The following NPAS3 variants were observed in gnomAD, a reference collection of about 807,000 sequenced individuals.
NPAS3 encodes neuronal PAS domain protein 3.
NPAS3 carries 14 observed loss-of-function variants against 73.1 expected under a neutral mutation model. The observed-to-expected ratio is 0.19, with a 90% CI of 0.13 to 0.30. NPAS3 has a LOEUF of 0.30. Among genes scored for constraint, NPAS3 ranks in the 10% least tolerant of loss-of-function variants. The pLI is 1.00. For missense variants in NPAS3, 1,096 were observed against 1,250.0 expected, an observed-to-expected ratio of 0.88 and a Z score of 1.86; for synonymous variants, 620 against 541.5, an observed-to-expected ratio of 1.14 and a Z score of -2.01.
At chr14:33,515,369 A>C (rs1375082581) in intron 4 of NPAS3, among the ~76,000 whole-genome samples, 1 of 152,090 alleles carries the variant, frequency 6.6e-6, no homozygotes, top group East Asian at 1.9e-4. Flanking sequence ...TATATATAGA[A>C]AATCATTCCC....
intron 8 of NPAS3, among the ~76,000 whole-genome samples, chr14:33,777,094 G>A (rs17412040): frequency 0.032 from 4,796 of 152,250 alleles, 101 homozygotes; most frequent in Non-Finnish European, 0.047. Flanking sequence ...CATTCCCAAG[G>A]ACGGCCTCAG....
chr14:33,799,306 A>G (rs147712076), intron 11 of NPAS3, among the ~76,000 whole-genome samples: 2 of 152,312 alleles, frequency 1.3e-5, no homozygotes, highest in Admixed American at 6.5e-5. Context: ...GTCACCTTGC[A>G]TGCCATCATT....
chr14:33,146,926 G>A (rs1188031149), intron 2 of NPAS3, among the ~76,000 whole-genome samples: 1 of 152,154 alleles, frequency 6.6e-6, no homozygotes, highest in Admixed American at 6.5e-5. Context: ...AATTTTTGCT[G>A]TACCAAGGGA....
chr14:33,509,044 G>A (rs1487171282), intron 4 of NPAS3, among the ~76,000 whole-genome samples: 2 of 145,690 alleles, frequency 1.4e-5, no homozygotes, highest in East Asian at 4.2e-4. Flanking sequence ...AACCTTTAAA[G>A]GTTATCCAAC....
chr14:33,119,177 T>C (rs1262388413), intron 2 of NPAS3, among the ~76,000 whole-genome samples: 1 of 152,090 alleles, frequency 6.6e-6, no homozygotes, highest in Non-Finnish European at 1.5e-5. Flanking sequence ...CAATTGCAAA[T>C]AAATTACATG....
chr14:33,030,444 T>A (rs2039949506), intron 1 of NPAS3, among the ~76,000 whole-genome samples: 1 of 152,214 alleles, frequency 6.6e-6, no homozygotes, highest in Admixed American at 6.5e-5. Context: ...GCTTTAAAAA[T>A]GTTTAAAAAT....
At chr14:33,381,714 G>T (rs1309403357) in intron 4 of NPAS3, among the ~76,000 whole-genome samples, 1 of 152,192 alleles carries the variant, frequency 6.6e-6, no homozygotes, top group Admixed American at 6.5e-5. Context: ...TTTTTCAAGT[G>T]ACATACTTTA....
intron 3 of NPAS3, among the ~76,000 whole-genome samples, chr14:33,345,790 C>T (rs955410934): frequency 6.6e-6 from 1 of 152,164 alleles, no homozygotes; most frequent in Non-Finnish European, 1.5e-5. Flanking sequence ...CCTTGTTTTT[C>T]GCATATCAGC....
At chr14:33,395,252 G>A (rs755498682) in intron 4 of NPAS3, among the ~76,000 whole-genome samples, 120 of 152,156 alleles carry the variant, frequency 7.9e-4, no homozygotes, top group Middle Eastern at 6.8e-3. Flanking sequence ...AATAATATTA[G>A]TTCTGTCAGT....
chr14:33,525,772 A>G (rs2053771134), intron 4 of NPAS3, among the ~76,000 whole-genome samples: 1 of 152,174 alleles, frequency 6.6e-6, no homozygotes, highest in South Asian at 2.1e-4. Context: ...ATTATTGGCC[A>G]CTAACACATA....
At chr14:33,282,002 A>T (rs952587205) in intron 3 of NPAS3, among the ~76,000 whole-genome samples, 1 of 152,094 alleles carries the variant, frequency 6.6e-6, no homozygotes, top group South Asian at 2.1e-4. Context: ...CCATTGAAGG[A>T]TAATGTTCTA....
chr14:32,955,409 A>G (rs1026818911), intron 1 of NPAS3, among the ~76,000 whole-genome samples: 1 of 152,078 alleles, frequency 6.6e-6, no homozygotes, highest in Non-Finnish European at 1.5e-5. Context: ...ATGTTTGGAG[A>G]TCATGCTAAG....
At chr14:33,405,353 A>G (rs550475228) in intron 4 of NPAS3, among the ~76,000 whole-genome samples, 1 of 152,120 alleles carries the variant, frequency 6.6e-6, no homozygotes, top group Non-Finnish European at 1.5e-5. Context: ...GCAGTGATGC[A>G]ATTTATGAGG....
rs1246812725 is a variant in NPAS3 at position 33,774,294 on chromosome 14, A to T, written c.853-43A>T. On this transcript the variant is annotated intron_variant, in intron 7 of 11. Transcript: ENST00000356141. Reference sequence around the variant, plus strand: ...CATAAGAAATGCTGTTATATCTGGGATGTAAATTTGACTGGTGTCCTGTAC... The same window carrying T: ...CATAAGAAATGCTGTTATATCTGGGTTGTAAATTTGACTGGTGTCCTGTAC... The T allele has an allele frequency of 8.1e-6, 12 of 1,485,892 alleles. No homozygotes were observed. The Admixed American group carries it at 1.7e-4, about 22-fold the overall frequency. 92.0% of individuals were successfully genotyped at this position (1,485,892 alleles called of 1,614,324 possible).
intron 2 of NPAS3, among the ~76,000 whole-genome samples, chr14:33,211,641 C>A (rs1218887819): frequency 1.3e-5 from 2 of 152,158 alleles, no homozygotes; most frequent in East Asian, 3.9e-4. Context: ...TTTACTATTT[C>A]TCCTATCTAT....
chr14:33,360,353 G>A (rs865979706), intron 3 of NPAS3, among the ~76,000 whole-genome samples: 1 of 152,004 alleles, frequency 6.6e-6, no homozygotes, highest in Non-Finnish European at 1.5e-5. Context: ...GGTGGTGGGG[G>A]CGGGAGGGGG....
At chr14:33,079,082 C>T (rs1289220529) in intron 2 of NPAS3, among the ~76,000 whole-genome samples, 1 of 152,120 alleles carries the variant, frequency 6.6e-6, no homozygotes, top group Non-Finnish European at 1.5e-5. Context: ...ATTGTGCATG[C>T]ATGTTCAGAC....
At chr14:33,372,012 C>A (rs1555383404) in intron 4 of NPAS3, among the ~76,000 whole-genome samples, 1 of 151,608 alleles carries the variant, frequency 6.6e-6, no homozygotes, top group Non-Finnish European at 1.5e-5. Flanking sequence ...CATAGCACTG[C>A]AAAAAAATGA....
chr14:33,513,325 C>A (rs527813031), intron 4 of NPAS3, among the ~76,000 whole-genome samples: 1 of 151,982 alleles, frequency 6.6e-6, no homozygotes, highest in Non-Finnish European at 1.5e-5. Flanking sequence ...TAGTACTCTT[C>A]TTGGTAACAA....
Sources: allele counts gnomAD v4.1 joint callset (sites outside exome capture counted in the v4.1 genomes callset), GRCh38; gene constraint gnomAD v4.1.1; transcripts MANE v1.5; gene names NCBI Gene and HGNC (gene_info 2026-07-23, HGNC 2026-07-21).